KLF5: variants seen among roughly 807,000 people sequenced by gnomAD.
The protein encoded by KLF5 is Krueppel-like factor 5.
A neutral mutation model predicts 36.9 loss-of-function variants in KLF5; 9 were observed. The ratio of observed to expected loss-of-function variants is 0.24; its 90% CI spans 0.15 to 0.43. The LOEUF (loss-of-function observed/expected upper bound fraction) is 0.43. Among genes scored for constraint, KLF5 ranks in the 20% least tolerant of loss-of-function variants. The pLI is 1.00. For synonymous variants in KLF5, 246 were observed against 241.7 expected, an observed-to-expected ratio of 1.02 and a Z score of -0.17; for missense variants, 524 against 599.5, an observed-to-expected ratio of 0.87 and a Z score of 1.31.
chr13:73,070,735 G>T lies in KLF5; in HGVS notation c.1196-4973G>T, dbSNP rs568962896. ...TATGTCTTGGCTTTCCTGAAGTCCA[G>T]TCCAGTTCTACCTAAGACAATTTGT... On this transcript the variant is annotated intron_variant, in intron 3 of 3. Coordinates refer to ENST00000377687, the MANE Select transcript of KLF5 (RefSeq NM_001730.5). Among the ~76,000 whole-genome samples the T allele has an allele frequency of 3.9e-5, 6 of 152,328 alleles. No homozygotes were observed. The East Asian group carries it at 1.2e-3, about 29-fold the overall frequency.
At position 73,062,130 on chromosome 13, in the gene KLF5, C is replaced by G; in HGVS notation, c.531C>G (p.Ala177=). The part of the protein sequence containing the change: ...AIFSHQSETT[A]PPPAPTQALP... ...TCAGCCACCAGAGTGAAACGACTGC[C>G]CCTCCTCCGGCCCCGACCCAGGCCC... The change falls in exon 2 of 4, where the codon GCC becomes GCG. Residue 177 remains alanine (A), a synonymous_variant. Transcript: ENST00000377687. 6.2e-7 allele frequency: 1 copy of G among 1,614,096 alleles called. No individual in the cohort carries two copies. The highest frequency in any genetic ancestry group is 1.1e-5 in the South Asian group (1 of 91,088).
At chr13:73,069,117 AT>A (rs199778776) in intron 3 of KLF5, among the ~76,000 whole-genome samples, 181 of 151,936 alleles carry the variant, frequency 1.2e-3, no homozygotes, top group East Asian at 0.011. Context: ...ATAATAAAAA[AT>A]AAAAAATCGA....
chr13:73,061,769 G>T (rs185969207), intron 1 of KLF5, 92 bp from the exon 2 acceptor site: 4 of 1,202,360 alleles, frequency 3.3e-6, no homozygotes, highest in Admixed American at 3.9e-5. Context: ...CTTACACAGG[G>T]ATTGGGGGAA....
rs2044613039 is a variant in KLF5 at position 73,059,484 on chromosome 13, C to T, written c.157C>T (p.His53Tyr). ...AALFPGEELK[H>Y]AHHRPQAQPA... ...GCTCTTCCCCGGCGAGGAGCTGAAGCACGCGCACCACCGCCCGCAGGCGCA... is the reference window on the plus strand; with the variant it reads ...GCTCTTCCCCGGCGAGGAGCTGAAGTACGCGCACCACCGCCCGCAGGCGCA... Residue 53 changes from histidine (H) to tyrosine (Y), a missense_variant, in exon 1 of 4, where the codon CAC (histidine) becomes TAC (tyrosine). By Grantham distance (83) the His-to-Tyr change is moderately conservative. Transcript: ENST00000377687. 2 of 1,245,794 alleles carry T rather than the reference C, an allele frequency of 1.6e-6. No individual in the cohort carries two copies. Among genetic ancestry groups the T allele is most frequent in the Non-Finnish European group, 2.0e-6 (2 of 996,850 alleles). 77.2% of individuals were successfully genotyped at this position (1,245,794 alleles called of 1,614,324 possible).
Position 73,059,299 on chromosome 13 carries a change from C to T in KLF5, c.-29C>T, listed in dbSNP as rs897236529. ...GGCGAGGTGGGAAGTGCGCCCGACC[C>T]GCGCCTGGAGCTGCGCCCCCGAGTG... On this transcript the variant is annotated 5_prime_UTR_variant, in exon 1 of 4. Coordinates refer to ENST00000377687, the MANE Select transcript of KLF5 (RefSeq NM_001730.5). 3.0e-6 allele frequency: 4 copies of T among 1,341,116 alleles called. No homozygotes were observed. In the African/African-American group the frequency reaches 6.1e-5, roughly 20 times the overall value. 83.1% of individuals were successfully genotyped at this position (1,341,116 alleles called of 1,614,324 possible). A position where few individuals can be genotyped will look rare whatever the true frequency, so the allele number is the denominator to read the frequency against.
Position 73,077,039 on chromosome 13 carries a change from T to G in KLF5, c.*1153T>G, listed in dbSNP as rs1181523186. 6.6e-6 allele frequency: 1 copy of G among 152,626 alleles called. No individual in the cohort carries two copies. The highest frequency in any genetic ancestry group is 2.4e-5 in the African/African-American group (1 of 41,454). 9.5% of individuals were successfully genotyped at this position (152,626 alleles called of 1,614,324 possible). A position where few individuals can be genotyped will look rare whatever the true frequency, so the allele number is the denominator to read the frequency against. On this transcript the variant is annotated 3_prime_UTR_variant, in exon 4 of 4. Transcript: ENST00000377687. ...AAATATAAATGATATGTTGAAAACT[T>G]AAGGAAGCAAATGCTACATATATGC...
rs766443088 is a variant in KLF5 at position 73,075,831 on chromosome 13, G to A, written c.1319G>A (p.Arg440His). 3.1e-6 allele frequency: 5 copies of A among 1,611,050 alleles called. No individual in the cohort carries two copies. Among genetic ancestry groups the A allele is most frequent in the South Asian group, 1.1e-5 (1 of 90,998 alleles). ...CCCTTCCAGTGCGGGGTGTGCAACCGCAGCTTCTCGCGCTCTGACCACCTG... is the reference window on the plus strand; with the variant it reads ...CCCTTCCAGTGCGGGGTGTGCAACCACAGCTTCTCGCGCTCTGACCACCTG... ...AKPFQCGVCN[R>H]SFSRSDHLAL... Residue 440 changes from arginine to histidine, a missense_variant, in exon 4 of 4, where the codon CGC becomes CAC. By Grantham distance (29) the Arg-to-His change is conservative (BLOSUM62 0). Transcript: ENST00000377687.
chr13:73,074,677 T>C (rs1184784667), intron 3 of KLF5, among the ~76,000 whole-genome samples: 1 of 152,134 alleles, frequency 6.6e-6, no homozygotes. Flanking sequence ...CTGGCAAGCT[T>C]TGGGGAGCAT....
intron 3 of KLF5, among the ~76,000 whole-genome samples, chr13:73,067,940 A>C (rs1271920924): frequency 6.6e-6 from 1 of 151,514 alleles, no homozygotes; most frequent in East Asian, 1.9e-4. Flanking sequence ...TCCCAGGTTC[A>C]AGCGATTCTC....
intron 3 of KLF5, 137 bp downstream of exon 3, chr13:73,064,020 T>C (rs1030619214): frequency 2.5e-5 from 14 of 567,582 alleles, no homozygotes; most frequent in Non-Finnish European, 3.7e-5. Flanking sequence ...GCCTACCTTT[T>C]CAGCACAGGC....
chr13:73,058,998 T>C (rs1157077723), upstream of KLF5: 5 of 212,906 alleles, frequency 2.3e-5, no homozygotes, highest in East Asian at 4.7e-4. Flanking sequence ...GGGCGTCAAG[T>C]GTCAGTAGTC....
upstream of KLF5, among the ~76,000 whole-genome samples, chr13:73,055,582 T>C (rs1452408493): frequency 6.6e-6 from 1 of 152,170 alleles, no homozygotes; most frequent in Non-Finnish European, 1.5e-5. Flanking sequence ...TTTAGGTGGT[T>C]GCCATTAATG....
chr13:73,059,815 G>A, intron 1 of KLF5: 2 of 924,978 alleles, frequency 2.2e-6, no homozygotes, highest in Non-Finnish European at 2.6e-6. Context: ...AGGGGAATCT[G>A]CCCCGGCGGG....
intron 3 of KLF5, among the ~76,000 whole-genome samples, chr13:73,068,270 C>A (rs2139112266): frequency 6.6e-6 from 1 of 152,334 alleles, no homozygotes; most frequent in Non-Finnish European, 1.5e-5. Flanking sequence ...TTCTGCCTTA[C>A]TGTCTTTTGC....
At chr13:73,070,529 AGAG>A (rs1388187521) in intron 3 of KLF5, among the ~76,000 whole-genome samples, 3 of 152,216 alleles carry the variant, frequency 2.0e-5, no homozygotes, top group Non-Finnish European at 4.4e-5. Flanking sequence ...CTGGGAACCC[AGAG>A]GAGAAGTAGC....
chr13:73,059,731 C>A, intron 1 of KLF5, 143 bp downstream of exon 1: 2 of 860,768 alleles, frequency 2.3e-6, no homozygotes, highest in Non-Finnish European at 2.8e-6. Flanking sequence ...GGCAGCCCCG[C>A]CCTGCACGCC....
At chr13:73,057,059 G>C (rs906545274), upstream of KLF5, among the ~76,000 whole-genome samples, 5 of 151,992 alleles carry the variant, frequency 3.3e-5, no homozygotes, top group Non-Finnish European at 7.4e-5. Context: ...TTGAAAGACC[G>C]GGCCACTGAA....
intron 3 of KLF5, among the ~76,000 whole-genome samples, chr13:73,072,268 T>C (rs1360555918): frequency 6.6e-6 from 1 of 152,192 alleles, no homozygotes; most frequent in African/African-American, 2.4e-5. Context: ...TGAGGATTTT[T>C]AAAATGGCTT....
intron 3 of KLF5, among the ~76,000 whole-genome samples, chr13:73,068,191 G>C (rs2139112195): frequency 6.6e-6 from 1 of 152,254 alleles, no homozygotes; most frequent in East Asian, 1.9e-4. Flanking sequence ...GTTTAGGAAA[G>C]ATTTCCACAT....
Sources: allele counts gnomAD v4.1 joint callset (sites outside exome capture counted in the v4.1 genomes callset), GRCh38; gene constraint gnomAD v4.1.1; transcripts MANE v1.5; gene names NCBI Gene and HGNC (gene_info 2026-07-23, HGNC 2026-07-21).